Variants in PIEZO1 observed in about 807,000 individuals in gnomAD.
PIEZO1 encodes piezo type mechanosensitive ion channel component 1 (Er blood group).
A neutral mutation model predicts 297.2 loss-of-function variants in PIEZO1; 296 were observed. The observed-to-expected ratio is 1.00, with a 90% confidence interval of 0.91 to 1.10. The LOEUF (loss-of-function observed/expected upper bound fraction) is 1.10. Among genes scored for constraint, PIEZO1 ranks in the 50% least tolerant of loss-of-function variants. The pLI is 0.00. For synonymous variants in PIEZO1, 2,427 were observed against 1,507.5 expected (o/e 1.61, Z -14.13); for missense variants, 5,018 against 3,455.5 (o/e 1.45, Z -11.34).
chr16:88,770,769 G>A (rs1013515810), intron 1 of PIEZO1, among the ~76,000 whole-genome samples: 2 of 152,230 alleles, frequency 1.3e-5, no homozygotes, highest in African/African-American at 4.8e-5. Context: ...AGTCAGGTCC[G>A]GGCCAGGCGT....
At position 88,720,154 on chromosome 16, in the gene PIEZO1, CG is replaced by C; in HGVS notation, c.6078del (p.Val2027CysfsTer43). On this transcript the variant is annotated frameshift_variant, in exon 42 of 51. Transcript: ENST00000301015. LOFTEE classifies it high-confidence loss of function. ...VVDRALYLRK[T>X]VLGKLAFQVA... The stretch of plus-strand genomic sequence containing the variant: ...ACCTGGAAGGCCAGCTTGCCCAGCA[CG>C]GTCTTGCGCAGGTAGAGGGCGCGGT... 1 of 1,550,474 alleles carries C rather than the reference CG, an allele frequency of 6.4e-7. No homozygotes were observed. Among genetic ancestry groups the C allele is most frequent in the Non-Finnish European group, 8.7e-7 (1 of 1,146,978 alleles).
At chr16:88,739,846 GCCTGGC>G (rs140907422) in intron 5 of PIEZO1, 71,167 of 150,758 alleles carry the variant, frequency 0.47, 17,236 homozygotes, top group Middle Eastern at 0.64. Context: ...CCCACCCACA[GCCTGGC>G]CCTGGCCCTG....
chr16:88,742,145 C>A (rs1422970481), intron 3 of PIEZO1, 50 bp from the exon 4 acceptor site: 1 of 1,532,020 alleles, frequency 6.5e-7, no homozygotes, highest in South Asian at 1.2e-5. Flanking sequence ...CAGCCAGCAC[C>A]GTGGCCTGGT....
At position 88,715,997 on chromosome 16, in the gene PIEZO1, G is replaced by A. The variant is rs892979815; in HGVS notation, c.7252C>T (p.Leu2418=). 1 of 1,550,224 alleles carries A rather than the reference G, an allele frequency of 6.5e-7. No homozygotes were observed. The highest frequency in any genetic ancestry group is 8.7e-7 in the Non-Finnish European group (1 of 1,146,916). The change falls in exon 50 of 51, where the codon CTG becomes TTG. Residue 2418 remains leucine (L), a synonymous_variant. Coordinates refer to ENST00000301015, the MANE Select transcript of PIEZO1 (RefSeq NM_001142864.4). ...TTGTCACTGAAAATGACCATGGGCAGCAGGTTGCAGTCGGTCCGGCACTCC... is the reference window on the plus strand; with the variant it reads ...TTGTCACTGAAAATGACCATGGGCAACAGGTTGCAGTCGGTCCGGCACTCC... ...LQECRTDCNL[L]PMVIFSDKVS...
chr16:88,727,590 A>G lies in PIEZO1; in HGVS notation c.3268T>C (p.Phe1090Leu), dbSNP rs931549003. The stretch of plus-strand genomic sequence containing the variant: ...TTGGTGGAGTTGGGGGCCCGGAAGA[A>G]ATCAGGCAGGTACAGCCACTTGATG... ...ALIKWLYLPD[F>L]FRAPNSTNLI... The change falls in exon 23 of 51, where the codon TTC becomes CTC. Residue 1090 changes from phenylalanine to leucine, a missense_variant. Coordinates refer to ENST00000301015, the MANE Select transcript of PIEZO1 (RefSeq NM_001142864.4). The G allele has an allele frequency of 1.3e-6, 2 of 1,534,086 alleles. No individual in the cohort carries two copies. The highest frequency in any genetic ancestry group is 2.5e-5 in the East Asian group (1 of 40,570).
chr16:88,723,364 C>T (rs763845274), intron 31 of PIEZO1, 36 bp from the exon 32 acceptor site: 15 of 1,534,888 alleles, frequency 9.8e-6, no homozygotes, highest in Admixed American at 3.9e-5. Flanking sequence ...CCCGGCCTCC[C>T]GAGCCATCAG....
At chr16:88,734,117 G>A (rs1451275919) in intron 16 of PIEZO1, 63 bp from the exon 17 acceptor site, 6 of 1,463,618 alleles carry the variant, frequency 4.1e-6, no homozygotes, top group African/African-American at 1.4e-5. Context: ...TCCTGGGGCT[G>A]GAAGAAGCCC....
At chr16:88,776,250 C>T (rs554968107) in intron 1 of PIEZO1, among the ~76,000 whole-genome samples, 4 of 152,222 alleles carry the variant, frequency 2.6e-5, no homozygotes, top group East Asian at 3.9e-4. Flanking sequence ...CTGGTTAACA[C>T]GGTGAAACCC....
At chr16:88,725,248 C>G (rs940465212) in intron 29 of PIEZO1, among the ~76,000 whole-genome samples, 168 bp from the exon 30 acceptor site, 1 of 152,194 alleles carries the variant, frequency 6.6e-6, no homozygotes, top group Admixed American at 6.5e-5. Flanking sequence ...CGTGGACGGA[C>G]AGTCACAGGG....
chr16:88,737,688 C>G (rs920406342), intron 9 of PIEZO1, 40 bp downstream of exon 9: 20 of 1,531,788 alleles, frequency 1.3e-5, no homozygotes, highest in Middle Eastern at 1.7e-4. Context: ...GCTGGCCGGG[C>G]GCCCCCCACG....
intron 1 of PIEZO1, among the ~76,000 whole-genome samples, chr16:88,764,854 G>A (rs1012314425): frequency 2.0e-5 from 3 of 151,962 alleles, no homozygotes; most frequent in Non-Finnish European, 2.9e-5. Flanking sequence ...CTCCGCCCTC[G>A]GCACCAGGGG....
rs143262813 is a variant in PIEZO1, at chr16:88,759,205, C to T, written c.65-9726G>A. ...AACAGAAGCTGGGAAGGACATCAGTCGTCTGAGTCCCCAGAGCTCACAGCG... is the reference window on the plus strand; with the variant it reads ...AACAGAAGCTGGGAAGGACATCAGTTGTCTGAGTCCCCAGAGCTCACAGCG... On this transcript the variant is annotated intron_variant, in intron 1 of 50. Coordinates refer to ENST00000301015, the MANE Select transcript of PIEZO1 (RefSeq NM_001142864.4). 4.5e-3 allele frequency among the ~76,000 whole-genome samples: 689 copies of T among 152,362 alleles called. 4 individuals carry two copies. The highest frequency in any genetic ancestry group is 0.016 in the African/African-American group (653 of 41,580).
chr16:88,732,950 A>G (rs1904966142), intron 19 of PIEZO1: 1 of 589,402 alleles, frequency 1.7e-6, no homozygotes, highest in South Asian at 2.1e-5. Flanking sequence ...AGAGAGGTCC[A>G]GGGAGAAGGA....
At position 88,719,893 on chromosome 16, in the gene PIEZO1, C is replaced by T. The variant is rs1344158277; in HGVS notation, c.6232G>A (p.Ala2078Thr). The T allele has an allele frequency of 8.4e-6, 13 of 1,550,340 alleles. No homozygotes were observed. Among genetic ancestry groups the T allele is most frequent in the African/African-American group, 1.4e-5 (1 of 73,038 alleles). ...GGGTAGCCGCAGCGGATCTGGTAGG[C>T]GGACAGGGCGAAGTAGATGCACTTC... Reference protein sequence around the residue: ...FVKCIYFALSAYQIRCGYPTR... With the variant: ...FVKCIYFALSTYQIRCGYPTR... The change falls in exon 43 of 51, where the codon GCC becomes ACC. Residue 2078 changes from alanine to threonine, a missense_variant. Coordinates refer to ENST00000301015, the MANE Select transcript of PIEZO1 (RefSeq NM_001142864.4).
chr16:88,722,921 C>G lies in PIEZO1; in HGVS notation c.4584G>C (p.Trp1528Cys), dbSNP rs1271299873. 1.3e-6 allele frequency: 2 copies of G among 1,549,326 alleles called. No homozygotes were observed. The highest frequency in any genetic ancestry group is 1.7e-6 in the Non-Finnish European group (2 of 1,146,814). The change falls in exon 34 of 51, where the codon TGG (tryptophan) becomes TGC (cysteine). Residue 1528 changes from tryptophan (W) to cysteine (C), a missense_variant. By Grantham distance (215) the Trp-to-Cys change is radical. Transcript: ENST00000301015. ...GQALVDELTR[W>C]LQEFTRHHGT... The stretch of plus-strand genomic sequence containing the variant: ...CGTGGTGCCGGGTGAACTCCTGCAG[C>G]CAGCGTGTCAGCTCATCCACTAGCG...
intron 21 of PIEZO1, 53 bp from the exon 22 acceptor site, chr16:88,731,963 A>ATGCACTGAGGCTGGGGGGAGGGG: frequency 1.2e-4 from 1 of 8,468 alleles, no homozygotes; most frequent in Non-Finnish European, 1.9e-4. Context: ...GGGGGGAGGG[A>ATGCACTGAGGCTGGGGGGAGGGG]CTTTCTTGTC....
chr16:88,726,220 C>T lies in PIEZO1; in HGVS notation c.3968+64G>A, dbSNP rs1163581477. 5.1e-6 allele frequency: 7 copies of T among 1,373,450 alleles called. No homozygotes were observed. The Admixed American group carries it at 1.4e-4, about 27-fold the overall frequency. 85.1% of individuals were successfully genotyped at this position (1,373,450 alleles called of 1,614,324 possible). A position where few individuals can be genotyped will look rare whatever the true frequency, so the allele number is the denominator to read the frequency against. On this transcript the variant is annotated intron_variant, in intron 27 of 50. Transcript: ENST00000301015. ...GGCCGGGGCCTGAGACAGTGAGGAA[C>T]CTCCCATTGCCCCCTCCCAGCCCCA...
chr16:88,732,097 A>T (rs948775684), intron 21 of PIEZO1, among the ~76,000 whole-genome samples, 187 bp from the exon 22 acceptor site: 5 of 151,956 alleles, frequency 3.3e-5, no homozygotes, highest in Non-Finnish European at 5.9e-5. Flanking sequence ...TGCAGGGGAA[A>T]CTGAGGCTCC....
chr16:88,736,011 G>A (rs1905187365), intron 12 of PIEZO1, 137 bp downstream of exon 12: 4 of 851,860 alleles, frequency 4.7e-6, no homozygotes, highest in South Asian at 1.8e-5. Flanking sequence ...CTGGCTCTGG[G>A]TGGGCAGAAG....
Sources: allele counts gnomAD v4.1 joint callset (sites outside exome capture counted in the v4.1 genomes callset), GRCh38; gene constraint gnomAD v4.1.1; transcripts MANE v1.5; gene names NCBI Gene and HGNC (gene_info 2026-07-23, HGNC 2026-07-21).